The following SEMA3E variants were observed in gnomAD, a reference collection of about 807,000 sequenced individuals.
The protein encoded by SEMA3E is semaphorin 3E.
In SEMA3E, 49 loss-of-function variants were observed where a neutral mutation model predicts 93.6. That is an observed-to-expected ratio of 0.52 (90% CI 0.42 to 0.66). The LOEUF is 0.66. Ranked by LOEUF, SEMA3E falls within the 30% of genes least tolerant of loss-of-function variation. The pLI is 0.00. For missense variants in SEMA3E, 906 were observed against 964.8 expected (o/e 0.94, Z 0.81); for synonymous variants, 363 against 330.7 (o/e 1.10, Z -1.06).
chr7:83,503,035 T>C (rs1263192050), intron 1 of SEMA3E, among the ~76,000 whole-genome samples: 1 of 145,056 alleles, frequency 6.9e-6, no homozygotes, highest in Non-Finnish European at 1.5e-5. Flanking sequence ...TTGATGTCAA[T>C]AAGTTATGGG....
intron 16 of SEMA3E, among the ~76,000 whole-genome samples, chr7:83,378,770 TA>T (rs1787712232): frequency 6.6e-6 from 1 of 151,936 alleles, no homozygotes; most frequent in South Asian, 2.1e-4. Context: ...AGGTACTAAC[TA>T]GTTTGTATTT....
rs201384032 is a variant in SEMA3E at position 83,497,687 on chromosome 7, AAC to A, written c.116-7415_116-7414del. The stretch of plus-strand genomic sequence containing the variant: ...AGCAATTAACTTTTTAAAAACTATA[AAC>A]ACAGACTAGCTCATTGATTTGCTAA... On this transcript the variant is annotated intron_variant, in intron 1 of 16. Transcript: ENST00000643230. 3.8e-3 allele frequency among the ~76,000 whole-genome samples: 581 copies of A among 152,284 alleles called. 3 individuals carry two copies. The highest frequency in any genetic ancestry group is 0.013 in the African/African-American group (538 of 41,564).
intron 4 of SEMA3E, among the ~76,000 whole-genome samples, chr7:83,463,839 C>G (rs1197837667): frequency 7.9e-5 from 12 of 152,192 alleles, no homozygotes; most frequent in African/African-American, 2.4e-5. Flanking sequence ...CCCCTCCCTT[C>G]CCTACACATC....
chr7:83,616,095 T>C (rs1793362419), intron 1 of SEMA3E, among the ~76,000 whole-genome samples: 1 of 152,136 alleles, frequency 6.6e-6, no homozygotes, highest in East Asian at 1.9e-4. Flanking sequence ...TTCAAATCTG[T>C]GCTCCTGTGA....
intron 1 of SEMA3E, among the ~76,000 whole-genome samples, chr7:83,528,627 C>T (rs1791219669): frequency 6.6e-6 from 1 of 152,034 alleles, no homozygotes; most frequent in Non-Finnish European, 1.5e-5. Flanking sequence ...AAACCTAAGT[C>T]TTCATTATAA....
At chr7:83,595,657 C>T (rs1792858248) in intron 1 of SEMA3E, among the ~76,000 whole-genome samples, 1 of 151,878 alleles carries the variant, frequency 6.6e-6, no homozygotes, top group African/African-American at 2.4e-5. Context: ...TTATAAAGTA[C>T]AAGTCAGTTA....
intron 1 of SEMA3E, among the ~76,000 whole-genome samples, chr7:83,507,676 A>G (rs917741008): frequency 6.6e-5 from 10 of 151,938 alleles, no homozygotes; most frequent in African/African-American, 2.4e-4. Flanking sequence ...GGTGGCTCAC[A>G]CGTGTAATCC....
At chr7:83,616,554 T>G (rs1456918934) in intron 1 of SEMA3E, 1 of 302,364 alleles carries the variant, frequency 3.3e-6, no homozygotes, top group Non-Finnish European at 6.6e-6. Context: ...TTCCCTGCTG[T>G]TTTTCAAAAG....
At chr7:83,481,957 C>T (rs369740307) in intron 2 of SEMA3E, among the ~76,000 whole-genome samples, 2 of 152,280 alleles carry the variant, frequency 1.3e-5, no homozygotes, top group African/African-American at 2.4e-5. Flanking sequence ...CCCAGCATTT[C>T]ACAACCCTCA....
intron 1 of SEMA3E, among the ~76,000 whole-genome samples, chr7:83,543,713 G>T (rs1791585170): frequency 6.6e-6 from 1 of 151,978 alleles, no homozygotes; most frequent in African/African-American, 2.4e-5. Flanking sequence ...ATTAAATATG[G>T]CTCTTTTCCT....
At chr7:83,373,739 A>G (rs1470521500) in intron 16 of SEMA3E, among the ~76,000 whole-genome samples, 1 of 152,234 alleles carries the variant, frequency 6.6e-6, no homozygotes, top group African/African-American at 2.4e-5. Context: ...TAGGGCATTT[A>G]TATTCAAGAA....
At position 83,648,435 on chromosome 7, in the gene SEMA3E, T is replaced by C; in HGVS notation, c.108A>G (p.Ser36=). The change falls in exon 1 of 17, where the codon TCA becomes TCG. Residue 36 remains serine (S), a synonymous_variant. Transcript: ENST00000643230. Reference sequence around the variant, plus strand: ...TCTGGAAAGGTAACCTACCTTTATGTGACAGGCGTAACCGGGGGTGGGTAG... The same window carrying C: ...TCTGGAAAGGTAACCTACCTTTATGCGACAGGCGTAACCGGGGGTGGGTAG... ...ADTTHPRLRL[S]HKELLNLNRT... is the part of the protein sequence containing the mutation. The C allele has an allele frequency of 1.2e-6, 2 of 1,606,470 alleles. No homozygotes were observed. Among genetic ancestry groups the C allele is most frequent in the African/African-American group, 2.7e-5 (2 of 74,548 alleles).
intron 4 of SEMA3E, among the ~76,000 whole-genome samples, chr7:83,465,606 T>A (rs1789739024): frequency 6.6e-6 from 1 of 152,198 alleles, no homozygotes; most frequent in African/African-American, 2.4e-5. Context: ...ACTGCTGCAC[T>A]TTCATAAATG....
chr7:83,546,321 GGTGTGTGTGTGT>G (rs67647992), intron 1 of SEMA3E, among the ~76,000 whole-genome samples: 16,645 of 129,422 alleles, frequency 0.13, 1,172 homozygotes, highest in East Asian at 0.19. Context: ...TATAATAAGG[GGTGTGTGTGTGT>G]GTGTGTGTGT....
At chr7:83,577,218 A>T (rs939323721) in intron 1 of SEMA3E, among the ~76,000 whole-genome samples, 4 of 151,252 alleles carry the variant, frequency 2.6e-5, no homozygotes, top group Non-Finnish European at 3.0e-5. Context: ...AGAGATAAAC[A>T]GATAGATAGA....
intron 1 of SEMA3E, among the ~76,000 whole-genome samples, chr7:83,609,495 C>T (rs1793202929): frequency 1.3e-5 from 2 of 151,894 alleles, no homozygotes; most frequent in Non-Finnish European, 2.9e-5. Context: ...GAGATAGGCT[C>T]TTCCAAATAT....
chr7:83,404,326 A>G (rs145861588), intron 9 of SEMA3E, among the ~76,000 whole-genome samples: 84 of 152,076 alleles, frequency 5.5e-4, no homozygotes, highest in African/African-American at 2.0e-3. Context: ...ATTAGAAACT[A>G]CCTACTGAAA....
At chr7:83,389,910 T>C (rs1040508323) in intron 14 of SEMA3E, among the ~76,000 whole-genome samples, 1 of 127,888 alleles carries the variant, frequency 7.8e-6, no homozygotes, top group African/African-American at 3.0e-5. Flanking sequence ...TGTATACATA[T>C]ATACACGTAT....
At chr7:83,502,502 C>T (rs1034235264) in intron 1 of SEMA3E, among the ~76,000 whole-genome samples, 7 of 152,098 alleles carry the variant, frequency 4.6e-5, no homozygotes, top group Non-Finnish European at 8.8e-5. Context: ...CCACCCACCT[C>T]CTTCTGACCT....
Sources: gnomAD v4.1 joint callset for allele counts (sites outside exome capture counted in the v4.1 genomes callset) on GRCh38, gnomAD v4.1.1 for gene constraint, MANE v1.5 for transcripts, NCBI Gene and HGNC (gene_info 2026-07-23, HGNC 2026-07-21) for gene names.